TENT4B: variants seen among roughly 807,000 people sequenced by gnomAD.
TENT4B encodes the protein PAP associated domain containing 5.
TENT4B carries 10 observed loss-of-function variants against 75.0 expected under a neutral mutation model. The observed-to-expected ratio is 0.13, with a 90% CI of 0.08 to 0.23. TENT4B has a LOEUF of 0.23. TENT4B is among the 10% of genes least tolerant of loss of function. The pLI is 1.00. For missense variants in TENT4B, 579 were observed against 893.8 expected (o/e 0.65, Z 4.49); for synonymous variants, 350 against 357.7 (o/e 0.98, Z 0.24).
chr16:50,199,225 C>G (rs909825352), intron 1 of TENT4B, among the ~76,000 whole-genome samples: 4 of 152,260 alleles, frequency 2.6e-5, no homozygotes, highest in Non-Finnish European at 5.9e-5. Context: ...GCCATGTGCC[C>G]ATCCCTGGCC....
In TENT4B at chr16:50,233,726, TTAAG is replaced by T; in HGVS notation, c.*4400_*4403del. Reference sequence around the variant, plus strand: ...TGTGTTTGGCCTTTACATTTTCTACTTAAGTGTGTACTTTATTGAGTTTAACCTT... The same window carrying T: ...TGTGTTTGGCCTTTACATTTTCTACTTGTGTACTTTATTGAGTTTAACCTT... On this transcript the variant is annotated 3_prime_UTR_variant, in exon 12 of 12. Coordinates refer to ENST00000561678, the MANE Select transcript of TENT4B (RefSeq NM_001365324.3). 1 of 985,402 alleles carries T rather than the reference TTAAG, an allele frequency of 1.0e-6. No homozygotes were observed. Among genetic ancestry groups the T allele is most frequent in the South Asian group, 4.7e-5 (1 of 21,286 alleles). 61.0% of individuals were successfully genotyped at this position (985,402 alleles called of 1,614,324 possible).
chr16:50,225,078 A>G lies in TENT4B; in HGVS notation c.1613-20A>G, dbSNP rs1449485868. The G allele has an allele frequency of 1.2e-6, 2 of 1,609,170 alleles. No homozygotes were observed. Among genetic ancestry groups the G allele is most frequent in the Non-Finnish European group, 8.5e-7 (1 of 1,176,810 alleles). On this transcript the variant is annotated intron_variant, in intron 9 of 11. Transcript: ENST00000561678. ...GTTTAATGGGAAGAAACGTTTTCCA[A>G]TCTTTTGCCACTCTTTCAGGAAATG...
Position 50,208,152 on chromosome 16 carries a change from G to A in TENT4B, c.639-3171G>A, listed in dbSNP as rs1417860311. Among the ~76,000 whole-genome samples, 6 of 152,104 alleles carry A rather than the reference G, an allele frequency of 3.9e-5. No individual in the cohort carries two copies. The East Asian group carries it at 7.7e-4, about 20-fold the overall frequency. On this transcript the variant is annotated intron_variant, in intron 1 of 11. Coordinates refer to ENST00000561678, the MANE Select transcript of TENT4B (RefSeq NM_001365324.3). ...CAAGTGTGGCTTTGCTTTAATAATAGCCCTCCTCTTTTTCTGTATTCCTCT... is the reference window on the plus strand; with the variant it reads ...CAAGTGTGGCTTTGCTTTAATAATAACCCTCCTCTTTTTCTGTATTCCTCT...
rs577832032 is a variant in TENT4B, at chr16:50,205,709, G to A, written c.639-5614G>A. On this transcript the variant is annotated intron_variant, in intron 1 of 11. Coordinates refer to ENST00000561678, the MANE Select transcript of TENT4B (RefSeq NM_001365324.3). Reference sequence around the variant, plus strand: ...GGGTTCAAGTGATTCTCATGCCTCAGCCTCCCGAGTAGCTGGAATTACAGG... The same window carrying A: ...GGGTTCAAGTGATTCTCATGCCTCAACCTCCCGAGTAGCTGGAATTACAGG... 3.3e-5 allele frequency among the ~76,000 whole-genome samples: 5 copies of A among 151,332 alleles called. No individual in the cohort carries two copies. In the East Asian group the frequency reaches 7.8e-4, roughly 24 times the overall value.
At chr16:50,164,355 G>A (rs2038060106) in intron 1 of TENT4B, among the ~76,000 whole-genome samples, 1 of 151,522 alleles carries the variant, frequency 6.6e-6, no homozygotes, top group African/African-American at 2.4e-5. Context: ...TGTCACCCAG[G>A]CTGGAGTGCA....
chr16:50,219,238 T>C (rs927960064), intron 5 of TENT4B, among the ~76,000 whole-genome samples: 5 of 152,232 alleles, frequency 3.3e-5, no homozygotes, highest in Non-Finnish European at 5.9e-5. Context: ...TAGATCATTT[T>C]TACAGAATTT....
At position 50,233,650 on chromosome 16, in the gene TENT4B, T is replaced by G. The variant is rs2032362287; in HGVS notation, c.*4322T>G. 1 of 983,146 alleles carries G rather than the reference T, an allele frequency of 1.0e-6. No individual in the cohort carries two copies. The highest frequency in any genetic ancestry group is 1.2e-6 in the Non-Finnish European group (1 of 828,094). 60.9% of individuals were successfully genotyped at this position (983,146 alleles called of 1,614,324 possible). A position where few individuals can be genotyped will look rare whatever the true frequency, so the allele number is the denominator to read the frequency against. ...TGAGGACAGTTTTTAGTTAATAAAC[T>G]GCTAATGTTTATTTTACTGTCTCTC... On this transcript the variant is annotated 3_prime_UTR_variant, in exon 12 of 12. Transcript: ENST00000561678.
chr16:50,221,692 G>T (rs2031834035), intron 5 of TENT4B, among the ~76,000 whole-genome samples: 1 of 151,998 alleles, frequency 6.6e-6, no homozygotes, highest in Admixed American at 6.5e-5. Context: ...GTTTACAAAT[G>T]AATATTAGAG....
At chr16:50,179,694 T>A (rs921252405) in intron 1 of TENT4B, among the ~76,000 whole-genome samples, 9 of 152,206 alleles carry the variant, frequency 5.9e-5, no homozygotes, top group East Asian at 1.9e-4. Flanking sequence ...AATCCTTTTT[T>A]AAAAAATTAA....
chr16:50,155,117 C>T (rs891748443), intron 1 of TENT4B, among the ~76,000 whole-genome samples: 1 of 152,240 alleles, frequency 6.6e-6, no homozygotes, highest in Middle Eastern at 3.4e-3. Context: ...GTTTAAAGTT[C>T]AGCTCTTAGA....
chr16:50,164,922 C>T (rs146532499), intron 1 of TENT4B, among the ~76,000 whole-genome samples: 132 of 151,472 alleles, frequency 8.7e-4, no homozygotes, highest in Middle Eastern at 6.8e-3. Flanking sequence ...ATGGTGATGG[C>T]GTGCCCTTGA....
intron 2 of TENT4B, among the ~76,000 whole-genome samples, chr16:50,212,932 T>G (rs1403859268): frequency 6.6e-6 from 1 of 152,130 alleles, no homozygotes; most frequent in Admixed American, 6.5e-5. Flanking sequence ...GGAGGTTGAT[T>G]ATCTATCTAT....
chr16:50,202,825 C>T (rs1006047741), intron 1 of TENT4B, among the ~76,000 whole-genome samples: 4 of 152,084 alleles, frequency 2.6e-5, no homozygotes, highest in African/African-American at 7.2e-5. Context: ...TGGGGAGAAT[C>T]GCGTGGTTTT....
At chr16:50,166,201 C>A (rs1421430165) in intron 1 of TENT4B, among the ~76,000 whole-genome samples, 1 of 151,558 alleles carries the variant, frequency 6.6e-6, no homozygotes, top group Non-Finnish European at 1.5e-5. Flanking sequence ...TTGTATCTCT[C>A]AGCCTCCCGA....
In TENT4B at chr16:50,232,216, G is replaced by C. The variant is rs2032317478; in HGVS notation, c.*2888G>C. ...CTTTAAGGTGACTGTGAAGGTGCCT[G>C]GTTTTGAATGTCTTTGTTTGGTTTG... On this transcript the variant is annotated 3_prime_UTR_variant, in exon 12 of 12. Transcript: ENST00000561678. 1.0e-6 allele frequency: 1 copy of C among 985,218 alleles called. No homozygotes were observed. Among genetic ancestry groups the C allele is most frequent in the Admixed American group, 6.2e-5 (1 of 16,254 alleles). The allele number at this position is 985,218 out of a possible 1,614,324, so 61.0% of individuals were successfully genotyped here.
chr16:50,183,039 T>TTTTA (rs1356926162), intron 1 of TENT4B, among the ~76,000 whole-genome samples: 2 of 149,682 alleles, frequency 1.3e-5, no homozygotes, highest in African/African-American at 4.9e-5. Context: ...TTTTTTTTAT[T>TTTTA]TTTATTTATT....
chr16:50,230,605 C>G lies in TENT4B; in HGVS notation c.*1277C>G, dbSNP rs898654810. ...TCTATTTTGTATTGCCTTATTAAGA[C>G]CAAATACTTCTTGTCATCCCATTCT... On this transcript the variant is annotated 3_prime_UTR_variant, in exon 12 of 12. Coordinates refer to ENST00000561678, the MANE Select transcript of TENT4B (RefSeq NM_001365324.3). 1.0e-6 allele frequency: 1 copy of G among 983,002 alleles called. No homozygotes were observed. The highest frequency in any genetic ancestry group is 1.8e-5 in the African/African-American group (1 of 57,108). The allele number at this position is 983,002 out of a possible 1,614,324, so 60.9% of individuals were successfully genotyped here.
chr16:50,153,706 G>T lies in TENT4B; in HGVS notation c.85G>T (p.Gly29Trp). The T allele has an allele frequency of 9.6e-7, 1 of 1,037,938 alleles. No individual in the cohort carries two copies. The highest frequency in any genetic ancestry group is 1.2e-6 in the Non-Finnish European group (1 of 865,474). The allele number at this position is 1,037,938 out of a possible 1,614,324, so 64.3% of individuals were successfully genotyped here. A position where few individuals can be genotyped will look rare whatever the true frequency, so the allele number is the denominator to read the frequency against. ...LWMQIWETTQ[G>W]LRNLYFNHHC... is the part of the protein sequence containing the mutation. ...GATGCAGATCTGGGAGACGACCCAG[G>T]GGCTGAGGAACCTCTACTTCAACCA... Residue 29 changes from glycine (G) to tryptophan (W), a missense_variant, in exon 1 of 12, where the codon GGG (glycine) becomes TGG (tryptophan). Coordinates refer to ENST00000561678, the MANE Select transcript of TENT4B (RefSeq NM_001365324.3).
chr16:50,194,395 TG>T (rs2030070216), intron 1 of TENT4B, among the ~76,000 whole-genome samples: 1 of 152,004 alleles, frequency 6.6e-6, no homozygotes, highest in South Asian at 2.1e-4. Flanking sequence ...TTTGTATTTT[TG>T]TAGAGACGGG....
Sources: gnomAD v4.1 joint callset for allele counts (sites outside exome capture counted in the v4.1 genomes callset) on GRCh38, gnomAD v4.1.1 for gene constraint, MANE v1.5 for transcripts, NCBI Gene and HGNC (gene_info 2026-07-23, HGNC 2026-07-21) for gene names.